The following PITRM1 variants were observed in gnomAD, a reference collection of about 807,000 sequenced individuals.
PITRM1 encodes the protein pitrilysin metallopeptidase 1.
PITRM1 carries 100 observed loss-of-function variants against 129.9 expected under a neutral mutation model. The ratio of observed to expected loss-of-function variants is 0.77; its 90% CI spans 0.65 to 0.91. The LOEUF (loss-of-function observed/expected upper bound fraction) is 0.91, where lower values mean the gene tolerates loss of function less well. Ranked by LOEUF, PITRM1 falls within the 40% of genes least tolerant of loss-of-function variation. The probability of loss-of-function intolerance (pLI) is 0.00; values close to 1 mark genes in which losing one functional copy is unlikely to be tolerated. For missense variants in PITRM1, 1,471 were observed against 1,318.3 expected, an observed-to-expected ratio of 1.12 and a Z score of -1.79; for synonymous variants, 591 against 508.8, an observed-to-expected ratio of 1.16 and a Z score of -2.17.
chr10:3,146,193 C>T (rs898472303), intron 20 of PITRM1: 22 of 165,512 alleles, frequency 1.3e-4, no homozygotes, highest in Non-Finnish European at 2.9e-4. Flanking sequence ...CACAGAATTG[C>T]AAATACTACT....
rs542423986 is a variant in PITRM1 at position 3,163,762 on chromosome 10, G to A, written c.754C>T (p.Gln252Ter). Residue 252 changes from glutamine to a stop codon, truncating the protein, a stop_gained, in exon 7 of 27, where the codon CAG becomes TAG. Transcript: ENST00000224949. LOFTEE classifies it high-confidence loss of function. ...GGGTGATAGTGAGTGGCATGAAACT[G>A]CTTAAGCTGCTCCCATGTAAGCTCC... ...IPELTWEQLKQFHATHYHPSN... is the reference protein window; with the variant it reads ...IPELTWEQLK 5 of 1,612,828 alleles carry A rather than the reference G, an allele frequency of 3.1e-6. No homozygotes were observed. The East Asian group carries it at 6.7e-5, about 22-fold the overall frequency.
chr10:3,166,360 G>T lies in PITRM1; in HGVS notation c.287C>A (p.Pro96His). The change falls in exon 4 of 27, where the codon CCC becomes CAC. Residue 96 changes from proline (P) to histidine (H), a missense_variant. Physicochemically the swap from Pro to His is moderately conservative, Grantham distance 77. Coordinates refer to ENST00000224949, the MANE Select transcript of PITRM1 (RefSeq NM_014889.4). ...NLFSVQFRTTPMDSTGVPHIL... is the reference protein window; with the variant it reads ...NLFSVQFRTTHMDSTGVPHIL... ...GTGAGGAACACCAGTACTGTCCATG[G>T]GAGTAGTACGGAACTGCACGCTAGG... is the stretch of plus-strand genomic sequence containing the variant. The T allele has an allele frequency of 1.2e-6, 2 of 1,611,760 alleles. No individual in the cohort carries two copies. Among genetic ancestry groups the T allele is most frequent in the Non-Finnish European group, 1.7e-6 (2 of 1,178,114 alleles).
At chr10:3,151,022 AGGAACACACACACACAC>A (rs914902662) in intron 15 of PITRM1, among the ~76,000 whole-genome samples, 5 of 152,022 alleles carry the variant, frequency 3.3e-5, no homozygotes, top group African/African-American at 1.2e-4. Context: ...AACCCCTCTC[AGGAACACACACACACAC>A]GGGCTCTTAC....
intron 1 of PITRM1, among the ~76,000 whole-genome samples, chr10:3,171,147 T>A (rs10795008): frequency 0.67 from 33,034 of 49,106 alleles, 9,596 homozygotes; most frequent in South Asian, 0.72. Flanking sequence ...ATCGTTCAAT[T>A]AAAAAAAAAA....
intron 22 of PITRM1, 93 bp from the exon 23 acceptor site, chr10:3,143,594 G>A: frequency 3.5e-6 from 3 of 855,620 alleles, no homozygotes; most frequent in Admixed American, 3.8e-5. Flanking sequence ...AGGCGGCTGT[G>A]CTCCCACGCA....
Position 3,151,362 on chromosome 10 carries a change from A to C in PITRM1, c.1623T>G (p.Gly541=), listed in dbSNP as rs775931378. The change falls in exon 15 of 27, where the codon GGT becomes GGG. Residue 541 remains glycine (G), a splice_region_variant and synonymous_variant. Coordinates refer to ENST00000224949, the MANE Select transcript of PITRM1 (RefSeq NM_014889.4). ...TGCTTTGTTGACTCCGTAATTCTAGACCTAAAAAAGAAACAAGAAAAAGGA... is the reference window on the plus strand; with the variant it reads ...TGCTTTGTTGACTCCGTAATTCTAGCCCTAAAAAAGAAACAAGAAAAAGGA... ...PGDRQQIYEK[G]LELRSQQSKP... The C allele has an allele frequency of 6.4e-7, 1 of 1,573,078 alleles. No individual in the cohort carries two copies. Among genetic ancestry groups the C allele is most frequent in the South Asian group, 1.1e-5 (1 of 88,324 alleles).
At position 3,151,372 on chromosome 10, in the gene PITRM1, G is replaced by A. The variant is rs1453998294; in HGVS notation, c.1622-9C>T. 1.8e-6 allele frequency: 2 copies of A among 1,101,258 alleles called. No individual in the cohort carries two copies. The highest frequency in any genetic ancestry group is 1.6e-5 in the African/African-American group (1 of 60,642). 68.2% of individuals were successfully genotyped at this position (1,101,258 alleles called of 1,614,324 possible). ...ACTCCGTAATTCTAGACCTAAAAAAGAAACAAGAAAAAGGAATATTCAGGG... is the reference window on the plus strand; with the variant it reads ...ACTCCGTAATTCTAGACCTAAAAAAAAAACAAGAAAAAGGAATATTCAGGG... On this transcript the variant is annotated splice_polypyrimidine_tract_variant and intron_variant, in intron 14 of 26. Transcript: ENST00000224949.
Position 3,170,181 on chromosome 10 carries a change from A to G in PITRM1, c.82T>C (p.Trp28Arg). The stretch of plus-strand genomic sequence containing the variant: ...CTCTCACAAGCCCGGTTACTGTTCC[A>G]TCGCCACGCTCTGTGGTGTGCATGT... The part of the protein sequence containing the change: ...GGHAHHRAWR[W>R]NSNRACERAL... The change falls in exon 2 of 27, where the codon TGG becomes CGG. Residue 28 changes from tryptophan to arginine, a missense_variant. Coordinates refer to ENST00000224949, the MANE Select transcript of PITRM1 (RefSeq NM_014889.4). 2 of 1,613,958 alleles carry G rather than the reference A, an allele frequency of 1.2e-6. No individual in the cohort carries two copies. Among genetic ancestry groups the G allele is most frequent in the Non-Finnish European group, 1.7e-6 (2 of 1,179,806 alleles).
rs1038610539 is a variant in PITRM1 at position 3,145,471 on chromosome 10, C to T, written c.2457+125G>A. The T allele has an allele frequency of 4.8e-5, 37 of 763,004 alleles. No individual in the cohort carries two copies. In the South Asian group the frequency reaches 5.4e-4, roughly 11 times the overall value. The allele number at this position is 763,004 out of a possible 1,614,324, so 47.3% of individuals were successfully genotyped here. A position where few individuals can be genotyped will look rare whatever the true frequency, so the allele number is the denominator to read the frequency against. On this transcript the variant is annotated intron_variant, in intron 21 of 26. Coordinates refer to ENST00000224949, the MANE Select transcript of PITRM1 (RefSeq NM_014889.4). ...TCCTGAACCTCAGTTTCTTCATCTG[C>T]GTACGGGGGATATGAACCCCCACAT... is the stretch of plus-strand genomic sequence containing the variant.
intron 14 of PITRM1, among the ~76,000 whole-genome samples, chr10:3,151,621 G>T (rs1199378027): frequency 1.3e-5 from 2 of 152,166 alleles, no homozygotes; most frequent in Non-Finnish European, 2.9e-5. Flanking sequence ...GGAAGTGGTG[G>T]TTTGCTCAAG....
In PITRM1 at chr10:3,166,940, A is replaced by G. The variant is rs1461239983; in HGVS notation, c.262T>C (p.Phe88Leu). The G allele has an allele frequency of 6.3e-7, 1 of 1,580,786 alleles. No homozygotes were observed. The highest frequency in any genetic ancestry group is 8.7e-7 in the Non-Finnish European group (1 of 1,151,562). ...TTCTTACAATGCACCACACACCTGA[A>G]CAGATTATTCGTGTCTTCTCTGGCC... ...HLAREDTNNL[F>L]SVQFRTTPMD... is the part of the protein sequence containing the mutation. The change falls in exon 3 of 27, where the codon TTC becomes CTC. Residue 88 changes from phenylalanine (F) to leucine (L), a missense_variant. Transcript: ENST00000224949.
intron 13 of PITRM1, among the ~76,000 whole-genome samples, chr10:3,156,235 A>C (rs1841975937): frequency 6.6e-6 from 1 of 152,252 alleles, no homozygotes; most frequent in African/African-American, 2.4e-5. Flanking sequence ...AATGAACATT[A>C]GGTGATTTCA....
chr10:3,172,157 T>C (rs1843426703), intron 1 of PITRM1: 1 of 455,774 alleles, frequency 2.2e-6, no homozygotes. Flanking sequence ...CCTCCCGGCC[T>C]GGGCCGGCAG....
At position 3,145,705 on chromosome 10, in the gene PITRM1, T is replaced by A. The variant is rs770381835; in HGVS notation, c.2348A>T (p.Asn783Ile). 16 of 1,549,530 alleles carry A rather than the reference T, an allele frequency of 1.0e-5. No individual in the cohort carries two copies. The highest frequency in any genetic ancestry group is 1.4e-5 in the Non-Finnish European group (16 of 1,145,052). ...LNGDNMRCSV[N>I]ATPQQMPQTE... ...CTGAGGCATCTGCTGAGGAGTCGCA[T>A]TCACTGAACACCTGTTTGAAAAATT... The change falls in exon 21 of 27, where the codon AAT (asparagine) becomes ATT (isoleucine). Residue 783 changes from asparagine (N) to isoleucine (I), a missense_variant. Physicochemically the swap from Asn to Ile is moderately radical, Grantham distance 149. Transcript: ENST00000224949.
chr10:3,162,245 T>C (rs1306706961), intron 7 of PITRM1, among the ~76,000 whole-genome samples: 1 of 151,730 alleles, frequency 6.6e-6, no homozygotes, highest in East Asian at 1.9e-4. Flanking sequence ...CAAACTGGAC[T>C]TCCCAGGGAG....
intron 23 of PITRM1, chr10:3,143,069 G>A (rs1440653753): frequency 2.3e-5 from 6 of 264,040 alleles, no homozygotes; most frequent in Admixed American, 9.8e-5. Context: ...AAATTCATTC[G>A]ATTTTTACCT....
Position 3,138,081 on chromosome 10 carries a change from C to T in PITRM1, c.3064G>A (p.Gly1022Arg), listed in dbSNP as rs761549053. ...TTGGCAATTTTCGGGTTCTCGGGTC[C>T]GAGGATGGCCAGGCCGTGTGTGCTC... ...GKSTHGLAILGPENPKIAKDP... is the reference protein window; with the variant it reads ...GKSTHGLAILRPENPKIAKDP... Residue 1022 changes from glycine (G) to arginine (R), a missense_variant, in exon 27 of 27, where the codon GGA (glycine) becomes AGA (arginine). Gly to Arg is a moderately radical substitution (Grantham distance 125). Coordinates refer to ENST00000224949, the MANE Select transcript of PITRM1 (RefSeq NM_014889.4). The T allele has an allele frequency of 8.1e-6, 13 of 1,610,566 alleles. No individual in the cohort carries two copies. The highest frequency in any genetic ancestry group is 3.3e-5 in the South Asian group (3 of 89,998).
intron 11 of PITRM1, 26 bp downstream of exon 11, chr10:3,158,014 G>A: frequency 1.4e-6 from 2 of 1,397,902 alleles, no homozygotes; most frequent in Non-Finnish European, 1.0e-6. Flanking sequence ...AACGAAAGCA[G>A]ATTGTTACAA....
intron 10 of PITRM1, 132 bp from the exon 11 acceptor site, chr10:3,158,285 A>T (rs1842142503): frequency 1.6e-6 from 1 of 634,254 alleles, no homozygotes; most frequent in Non-Finnish European, 2.8e-6. Context: ...TCATTAAAGC[A>T]GTGTTCTCAA....
Sources: allele counts gnomAD v4.1 joint callset (sites outside exome capture counted in the v4.1 genomes callset), GRCh38; gene constraint gnomAD v4.1.1; transcripts MANE v1.5; gene names NCBI Gene and HGNC (gene_info 2026-07-23, HGNC 2026-07-21).